SGMS1: variants seen among roughly 807,000 people sequenced by gnomAD.
SGMS1 encodes sphingomyelin synthase 1.
SGMS1 carries 13 observed loss-of-function variants against 46.2 expected under a neutral mutation model. That is an observed-to-expected ratio of 0.28 (90% CI 0.18 to 0.45). SGMS1 has a LOEUF of 0.45. SGMS1 is among the 20% of genes least tolerant of loss of function. The probability of loss-of-function intolerance (pLI) is 1.00; values close to 1 mark genes in which losing one functional copy is unlikely to be tolerated. For missense variants in SGMS1, 324 were observed against 519.9 expected, an observed-to-expected ratio of 0.62 and a Z score of 3.66; for synonymous variants, 203 against 187.8, an observed-to-expected ratio of 1.08 and a Z score of -0.66.
chr10:50,511,317 A>G (rs1386558072), intron 3 of SGMS1, among the ~76,000 whole-genome samples: 1 of 151,958 alleles, frequency 6.6e-6, no homozygotes, highest in East Asian at 1.9e-4. Context: ...AAAAGTAAAA[A>G]GTGAGATGAA....
At chr10:50,534,741 A>T (rs1837984801) in intron 2 of SGMS1, among the ~76,000 whole-genome samples, 2 of 152,250 alleles carry the variant, frequency 1.3e-5, no homozygotes, top group South Asian at 4.1e-4. Flanking sequence ...GGACAGCAGG[A>T]TGCAAAAATA....
Position 50,551,988 on chromosome 10 carries a change from C to A in SGMS1, c.-588-32067G>T, listed in dbSNP as rs138302956. The stretch of plus-strand genomic sequence containing the variant: ...GATTTTTTAAGCCCTGCAAGCCTAT[C>A]CCCTACTCTGCTATTATAGCACCAA... On this transcript the variant is annotated intron_variant, in intron 2 of 10. Coordinates refer to ENST00000361781, the MANE Select transcript of SGMS1 (RefSeq NM_147156.4). Among the ~76,000 whole-genome samples, 9 of 152,296 alleles carry A rather than the reference C, an allele frequency of 5.9e-5. No individual in the cohort carries two copies. The East Asian group carries it at 1.7e-3, about 29-fold the overall frequency.
chr10:50,453,338 A>G (rs2133665807), intron 5 of SGMS1, among the ~76,000 whole-genome samples: 1 of 152,188 alleles, frequency 6.6e-6, no homozygotes, highest in Admixed American at 6.5e-5. Flanking sequence ...AATTCATTCA[A>G]CATATATTTA....
At chr10:50,553,493 C>T (rs1227087974) in intron 2 of SGMS1, among the ~76,000 whole-genome samples, 4 of 88,852 alleles carry the variant, frequency 4.5e-5, no homozygotes, top group African/African-American at 1.9e-4. Context: ...TATAGTATTA[C>T]TGATTTTTAA....
At position 50,519,872 on chromosome 10, in the gene SGMS1, T is replaced by G. The variant is rs1056246533; in HGVS notation, c.-539A>C. 6.6e-6 allele frequency: 1 copy of G among 152,340 alleles called. No individual in the cohort carries two copies. The highest frequency in any genetic ancestry group is 1.5e-5 in the Non-Finnish European group (1 of 68,042). The allele number at this position is 152,340 out of a possible 1,614,324, so 9.4% of individuals were successfully genotyped here. ...ACCCTCTGCTGTGTTCCAACTTTAC[T>G]GTTCTTGAAATTCAAAAAGTCCACA... On this transcript the variant is annotated 5_prime_UTR_variant, in exon 3 of 11. Coordinates refer to ENST00000361781, the MANE Select transcript of SGMS1 (RefSeq NM_147156.4).
At chr10:50,417,980 G>C (rs982280472) in intron 6 of SGMS1, 1 of 152,256 alleles carries the variant, frequency 6.6e-6, no homozygotes, top group Non-Finnish European at 1.5e-5. Context: ...TAGTAGAATT[G>C]GCACTGATTG....
chr10:50,439,636 A>G (rs958782939), intron 5 of SGMS1, among the ~76,000 whole-genome samples: 5 of 152,240 alleles, frequency 3.3e-5, no homozygotes, highest in African/African-American at 4.8e-5. Context: ...CTCCTACAGT[A>G]CTTCTAAAAA....
intron 3 of SGMS1, among the ~76,000 whole-genome samples, chr10:50,501,305 A>G (rs768551033): frequency 6.6e-6 from 1 of 152,204 alleles, no homozygotes; most frequent in Non-Finnish European, 1.5e-5. Flanking sequence ...CAAGTCCACA[A>G]ACTCTATCAT....
chr10:50,401,909 G>A (rs1211249769), intron 6 of SGMS1, among the ~76,000 whole-genome samples: 1 of 152,146 alleles, frequency 6.6e-6, no homozygotes, highest in Non-Finnish European at 1.5e-5. Flanking sequence ...ATGAATTTCT[G>A]TCACCTTACT....
At chr10:50,428,548 C>T (rs987913478) in intron 6 of SGMS1, among the ~76,000 whole-genome samples, 9 of 152,154 alleles carry the variant, frequency 5.9e-5, no homozygotes, top group East Asian at 1.9e-4. Context: ...TTCTTCCCCC[C>T]GTAATGATAG....
intron 5 of SGMS1, among the ~76,000 whole-genome samples, chr10:50,454,686 A>G (rs1187082890): frequency 2.0e-5 from 3 of 152,228 alleles, no homozygotes; most frequent in African/African-American, 7.2e-5. Flanking sequence ...TTACAATTCT[A>G]CTTAAACTAC....
At chr10:50,339,030 G>A (rs565157019) in intron 7 of SGMS1, among the ~76,000 whole-genome samples, 10 of 152,230 alleles carry the variant, frequency 6.6e-5, no homozygotes, top group South Asian at 2.1e-4. Flanking sequence ...GAGCCACCAC[G>A]CCCAGCCTGC....
chr10:50,492,008 T>C (rs1005413534), intron 3 of SGMS1, among the ~76,000 whole-genome samples: 5 of 152,160 alleles, frequency 3.3e-5, no homozygotes, highest in Non-Finnish European at 7.3e-5. Flanking sequence ...CAAGGTTGGT[T>C]CAACATACGC....
chr10:50,531,632 C>T (rs1335404537), intron 2 of SGMS1, among the ~76,000 whole-genome samples: 1 of 152,134 alleles, frequency 6.6e-6, no homozygotes, highest in Non-Finnish European at 1.5e-5. Flanking sequence ...GCCCACTCCA[C>T]CACCTGCCCT....
intron 2 of SGMS1, among the ~76,000 whole-genome samples, chr10:50,586,123 T>C (rs1382879845): frequency 2.6e-5 from 4 of 152,240 alleles, no homozygotes; most frequent in African/African-American, 7.2e-5. Context: ...TAAAACTTTA[T>C]GTATAAAAAC....
At chr10:50,360,609 C>T (rs1848230638) in intron 6 of SGMS1, among the ~76,000 whole-genome samples, 1 of 152,176 alleles carries the variant, frequency 6.6e-6, no homozygotes, top group African/African-American at 2.4e-5. Flanking sequence ...CCTAGTTAAT[C>T]TGTAGAACTT....
At chr10:50,375,631 TCA>T (rs533677459) in intron 6 of SGMS1, among the ~76,000 whole-genome samples, 28 of 152,238 alleles carry the variant, frequency 1.8e-4, no homozygotes, top group South Asian at 1.0e-3. Context: ...TCAGGTGGTA[TCA>T]GATTGAGAAG....
intron 6 of SGMS1, among the ~76,000 whole-genome samples, chr10:50,390,601 G>A (rs551751509): frequency 6.6e-6 from 1 of 152,046 alleles, no homozygotes; most frequent in Non-Finnish European, 1.5e-5. Context: ...TCGTGCCACT[G>A]CACTCCTGCC....
chr10:50,562,495 T>C (rs865917310), intron 2 of SGMS1, among the ~76,000 whole-genome samples: 67 of 152,314 alleles, frequency 4.4e-4, no homozygotes, highest in African/African-American at 1.5e-3. Context: ...CTATTGCAGA[T>C]GCTGTAAGAG....
Sources: gnomAD v4.1 joint callset for allele counts (sites outside exome capture counted in the v4.1 genomes callset) on GRCh38, gnomAD v4.1.1 for gene constraint, MANE v1.5 for transcripts, NCBI Gene and HGNC (gene_info 2026-07-23, HGNC 2026-07-21) for gene names.